Variants in ESRRG observed in about 807,000 individuals in gnomAD.
The protein encoded by ESRRG is estrogen related receptor gamma, also known as estrogen-related receptor gamma.
ESRRG carries 13 observed loss-of-function variants against 44.0 expected under a neutral mutation model. That is an observed-to-expected ratio of 0.30 (90% CI 0.19 to 0.47). The LOEUF (loss-of-function observed/expected upper bound fraction) is 0.47, where lower values mean the gene tolerates loss of function less well. Among genes scored for constraint, ESRRG ranks in the 20% least tolerant of loss-of-function variants. The pLI, the probability that ESRRG is intolerant of heterozygous loss-of-function variation, is 1.00. For synonymous variants in ESRRG, 215 were observed against 214.6 expected, an observed-to-expected ratio of 1.00 and a Z score of -0.02; for missense variants, 395 against 580.6, an observed-to-expected ratio of 0.68 and a Z score of 3.29.
At chr1:216,675,481 T>G (rs181766878) in intron 2 of ESRRG, among the ~76,000 whole-genome samples, 9 of 152,348 alleles carry the variant, frequency 5.9e-5, no homozygotes, top group Non-Finnish European at 1.5e-5. Flanking sequence ...TTACTTCTTT[T>G]GTACTTTGAA....
At chr1:217,053,164 A>G (rs1341694915) in intron 1 of ESRRG, among the ~76,000 whole-genome samples, 2 of 151,454 alleles carry the variant, frequency 1.3e-5, no homozygotes, top group Admixed American at 6.6e-5. Flanking sequence ...CAGAAAGAAA[A>G]AAAGAAAAGG....
At chr1:216,551,570 C>T (rs1014003730) in intron 5 of ESRRG, among the ~76,000 whole-genome samples, 4 of 152,082 alleles carry the variant, frequency 2.6e-5, no homozygotes, top group African/African-American at 7.2e-5. Flanking sequence ...AGTTTCATGG[C>T]AAATACACAG....
intron 1 of ESRRG, among the ~76,000 whole-genome samples, chr1:217,028,315 C>T (rs1016956800): frequency 3.9e-5 from 6 of 152,168 alleles, no homozygotes; most frequent in African/African-American, 1.4e-4. Context: ...GATGCTCCTG[C>T]TGAAAAGGCT....
At chr1:216,801,740 T>A (rs1202580033) in intron 2 of ESRRG, among the ~76,000 whole-genome samples, 1 of 152,182 alleles carries the variant, frequency 6.6e-6, no homozygotes, top group Non-Finnish European at 1.5e-5. Flanking sequence ...TCTGTCCTCT[T>A]TGGGAAAATG....
chr1:216,546,963 AT>A (rs2054705316), intron 5 of ESRRG, among the ~76,000 whole-genome samples: 5 of 150,682 alleles, frequency 3.3e-5, no homozygotes, highest in Non-Finnish European at 4.4e-5. Context: ...CTAGCCCCCC[AT>A]CCCCTGACAG....
At chr1:216,890,713 A>G (rs1234348577) in intron 2 of ESRRG, among the ~76,000 whole-genome samples, 1 of 152,226 alleles carries the variant, frequency 6.6e-6, no homozygotes, top group Non-Finnish European at 1.5e-5. Context: ...ACATGGATGC[A>G]TCAACCTGGG....
intron 1 of ESRRG, among the ~76,000 whole-genome samples, chr1:217,026,783 A>G (rs752645500): frequency 2.6e-4 from 39 of 152,064 alleles, no homozygotes; most frequent in Non-Finnish European, 5.3e-4. Flanking sequence ...TAAACATTCC[A>G]TGCAGAGTCC....
chr1:216,684,880 A>G (rs1427470491), intron 1 of ESRRG, among the ~76,000 whole-genome samples: 1 of 152,224 alleles, frequency 6.6e-6, no homozygotes, highest in Non-Finnish European at 1.5e-5. Flanking sequence ...AAGTGTTTTA[A>G]CAAGTGTGTA....
At chr1:217,053,621 T>G (rs2086545294) in intron 1 of ESRRG, among the ~76,000 whole-genome samples, 1 of 152,148 alleles carries the variant, frequency 6.6e-6, no homozygotes, top group African/African-American at 2.4e-5. Context: ...ATACAAAAAA[T>G]TGCATGTTAC....
intron 5 of ESRRG, among the ~76,000 whole-genome samples, chr1:216,560,069 T>C (rs1194425705): frequency 1.3e-5 from 2 of 152,160 alleles, no homozygotes; most frequent in African/African-American, 4.8e-5. Flanking sequence ...TCAGGGCAAA[T>C]AGTAAATATT....
At chr1:216,694,228 G>A (rs2079644882) in intron 1 of ESRRG, among the ~76,000 whole-genome samples, 3 of 152,158 alleles carry the variant, frequency 2.0e-5, no homozygotes, top group Non-Finnish European at 4.4e-5. Context: ...AAAATTATTT[G>A]CATTAAATCA....
intron 1 of ESRRG, among the ~76,000 whole-genome samples, chr1:217,114,198 A>C (rs2092693017): frequency 6.6e-6 from 1 of 151,418 alleles, no homozygotes; most frequent in African/African-American, 2.4e-5. Flanking sequence ...TAACCAACAC[A>C]AAAAAAAATT....
intron 2 of ESRRG, among the ~76,000 whole-genome samples, chr1:216,775,603 T>A (rs2152412925): frequency 1.6e-5 from 2 of 128,102 alleles, no homozygotes; most frequent in East Asian, 2.7e-4. Flanking sequence ...AGACAGCGTC[T>A]CACGCTGTCG....
intron 1 of ESRRG, among the ~76,000 whole-genome samples, chr1:217,071,441 T>C (rs1033515298): frequency 6.6e-6 from 1 of 152,152 alleles, no homozygotes; most frequent in African/African-American, 2.4e-5. Context: ...ATGTATAAGA[T>C]AGGGGTAAAA....
intron 2 of ESRRG, among the ~76,000 whole-genome samples, chr1:216,671,629 C>T (rs2075199716): frequency 6.6e-6 from 1 of 152,206 alleles, no homozygotes; most frequent in Non-Finnish European, 1.5e-5. Context: ...GGGTTAAGGT[C>T]TCACAGCTGG....
chr1:216,990,489 A>G (rs1579148780), intron 1 of ESRRG, among the ~76,000 whole-genome samples: 1 of 152,070 alleles, frequency 6.6e-6, no homozygotes, highest in Non-Finnish European at 1.5e-5. Context: ...TATAGTGTTG[A>G]CCCTTGAACA....
intron 2 of ESRRG, among the ~76,000 whole-genome samples, chr1:216,795,404 C>T (rs1303495381): frequency 1.5e-5 from 2 of 133,174 alleles, no homozygotes; most frequent in African/African-American, 5.9e-5. Context: ...AGTGCAATGG[C>T]GTGATCCTGG....
intron 2 of ESRRG, among the ~76,000 whole-genome samples, chr1:216,808,464 T>A (rs1242219864): frequency 6.6e-6 from 1 of 152,166 alleles, no homozygotes; most frequent in African/African-American, 2.4e-5. Context: ...ACAAGCTCTG[T>A]CATCCAGGCT....
chr1:216,537,949 T>C (rs2051500304), intron 5 of ESRRG, among the ~76,000 whole-genome samples: 1 of 152,150 alleles, frequency 6.6e-6, no homozygotes, highest in Non-Finnish European at 1.5e-5. Context: ...CCATGCTGTT[T>C]TGTATTTCTG....
Sources: gnomAD v4.1 joint callset for allele counts (sites outside exome capture counted in the v4.1 genomes callset) on GRCh38, gnomAD v4.1.1 for gene constraint, MANE v1.5 for transcripts, NCBI Gene and HGNC (gene_info 2026-07-23, HGNC 2026-07-21) for gene names.